Variants in EIF5B observed in about 807,000 individuals in gnomAD.
The protein encoded by EIF5B is eukaryotic translation initiation factor 5B.
Under a neutral mutation model 147.5 loss-of-function variants are expected in EIF5B, and 47 were observed. The observed-to-expected ratio is 0.32, with a 90% CI of 0.25 to 0.41. The LOEUF (loss-of-function observed/expected upper bound fraction) is 0.41, where lower values mean the gene tolerates loss of function less well. Ranked by LOEUF, EIF5B falls within the 10% of genes least tolerant of loss-of-function variation. EIF5B has a pLI of 1.00. For missense variants in EIF5B, 1,064 were observed against 1,413.2 expected (o/e 0.75, Z 3.96); for synonymous variants, 455 against 456.2 (o/e 1.00, Z 0.03).
chr2:99,344,404 T>TTTGTTG (rs149285717), intron 1 of EIF5B, among the ~76,000 whole-genome samples: 29,090 of 149,396 alleles, frequency 0.19, 3,582 homozygotes, highest in Admixed American at 0.29. Context: ...GCCACCACAG[T>TTTGTTG]TTGTTGTTGT....
rs1674906047 is a variant in EIF5B, at chr2:99,390,634, G to A, written c.2677G>A (p.Val893Ile). 6.2e-7 allele frequency: 1 copy of A among 1,612,976 alleles called. No individual in the cohort carries two copies. Among genetic ancestry groups the A allele is most frequent in the Non-Finnish European group, 8.5e-7 (1 of 1,179,056 alleles). ...AGGAGATACAATCATTGTTCCTGGA[G>A]TAGAAGGGCCCATTGTAACTCAGAT... is the stretch of plus-strand genomic sequence containing the variant. ...KEGDTIIVPG[V>I]EGPIVTQIRG... Residue 893 changes from valine to isoleucine, a missense_variant, in exon 17 of 24, where the codon GTA (valine) becomes ATA (isoleucine). By Grantham distance (29) the Val-to-Ile change is conservative. Coordinates refer to ENST00000289371, the MANE Select transcript of EIF5B (RefSeq NM_015904.4).
chr2:99,341,374 A>G (rs1043857287), intron 1 of EIF5B, among the ~76,000 whole-genome samples: 3 of 152,198 alleles, frequency 2.0e-5, no homozygotes, highest in African/African-American at 7.2e-5. Context: ...CTAGTTTGCT[A>G]TAAATTAATA....
chr2:99,376,033 A>T (rs1674558804), intron 9 of EIF5B, among the ~76,000 whole-genome samples: 1 of 152,218 alleles, frequency 6.6e-6, no homozygotes, highest in African/African-American at 2.4e-5. Context: ...TCCTCCCCTT[A>T]CTTTAAAGCA....
intron 5 of EIF5B, 23 bp downstream of exon 5, chr2:99,363,885 AC>A (rs1674272532): frequency 6.3e-7 from 1 of 1,588,080 alleles, no homozygotes; most frequent in African/African-American, 1.4e-5. Context: ...GAAGTTGGTA[AC>A]ATTGATATTG....
At chr2:99,346,350 A>G (rs2094273351) in intron 1 of EIF5B, among the ~76,000 whole-genome samples, 1 of 152,138 alleles carries the variant, frequency 6.6e-6, no homozygotes, top group Admixed American at 6.5e-5. Flanking sequence ...GGTTATTCAG[A>G]AATCTGGTCT....
chr2:99,369,432 G>A lies in EIF5B; in HGVS notation c.1428G>A (p.Met476Ile). The change falls in exon 8 of 24, where the codon ATG becomes ATA. Residue 476 changes from methionine to isoleucine, a missense_variant. By Grantham distance (10) the Met-to-Ile change is conservative. This residue lies in a region of EIF5B where 195 missense variants were observed against 186.3 expected (regional missense o/e 1.05). Transcript: ENST00000289371. ...SMELCAAVEV[M>I]EQGVPEKEET... The stretch of plus-strand genomic sequence containing the variant: ...AATTATGTGCTGCTGTAGAAGTTAT[G>A]GAACAAGGAGTACCAGAAAAGGAAG... The A allele has an allele frequency of 2.5e-6, 4 of 1,611,284 alleles. No individual in the cohort carries two copies. The highest frequency in any genetic ancestry group is 3.4e-6 in the Non-Finnish European group (4 of 1,178,104).
chr2:99,347,509 T>TG (rs2105336788), intron 1 of EIF5B, among the ~76,000 whole-genome samples: 1 of 152,134 alleles, frequency 6.6e-6, no homozygotes, highest in Non-Finnish European at 1.5e-5. Flanking sequence ...TTTTCAGTTT[T>TG]TTTTTTTTTT....
At chr2:99,378,534 G>A (rs1277232492) in intron 10 of EIF5B, among the ~76,000 whole-genome samples, 1 of 152,128 alleles carries the variant, frequency 6.6e-6, no homozygotes, top group Non-Finnish European at 1.5e-5. Flanking sequence ...AGGTTTTATA[G>A]CATTTGTATA....
intron 1 of EIF5B, among the ~76,000 whole-genome samples, chr2:99,354,701 C>T (rs1401902892): frequency 2.0e-5 from 3 of 150,822 alleles, no homozygotes; most frequent in Non-Finnish European, 4.4e-5. Context: ...GGGTGAGGTT[C>T]ATTTTTGTGT....
intron 1 of EIF5B, among the ~76,000 whole-genome samples, chr2:99,353,360 T>C (rs1306235946): frequency 2.6e-5 from 4 of 151,918 alleles, no homozygotes; most frequent in Admixed American, 2.0e-4. Context: ...GGTTTCGCCA[T>C]GTTGCCCAGT....
intron 6 of EIF5B, among the ~76,000 whole-genome samples, chr2:99,365,952 T>C (rs1464755896): frequency 1.3e-5 from 2 of 152,130 alleles, no homozygotes; most frequent in Non-Finnish European, 2.9e-5. Context: ...ACCTAGAATA[T>C]TGTAAAACTT....
At position 99,353,005 on chromosome 2, in the gene EIF5B, C is replaced by CTTTTTTTTTTTTTTTTTTTTTTTTT. The variant is rs529053292; in HGVS notation, c.36-7228_36-7204dup. 1.4e-4 allele frequency among the ~76,000 whole-genome samples: 9 copies of CTTTTTTTTTTTTTTTTTTTTTTTTT among 62,852 alleles called. 2 individuals carry two copies. The highest frequency in any genetic ancestry group is 1.4e-4 in the Non-Finnish European group (5 of 36,472). 41.2% of individuals were successfully genotyped at this position (62,852 alleles called of 152,430 possible). A position where few individuals can be genotyped will look rare whatever the true frequency, so the allele number is the denominator to read the frequency against. On this transcript the variant is annotated intron_variant, in intron 1 of 23. Transcript: ENST00000289371. ...GCCTGGCTAATTTTTTCTTCTTCTT[C>CTTTTTTTTTTTTTTTTTTTTTTTTT]TTTTTTTTTTTTTTTTTTTTTTTTT...
intron 1 of EIF5B, among the ~76,000 whole-genome samples, chr2:99,341,419 C>T (rs997044920): frequency 6.6e-6 from 1 of 152,186 alleles, no homozygotes; most frequent in African/African-American, 2.4e-5. Flanking sequence ...TGATAGTAAC[C>T]TCTCTAGCCT....
At chr2:99,374,247 C>T (rs1245974244) in intron 9 of EIF5B, among the ~76,000 whole-genome samples, 1 of 148,456 alleles carries the variant, frequency 6.7e-6, no homozygotes, top group Non-Finnish European at 1.5e-5. Context: ...TGAGATTGCG[C>T]CACTGCATTC....
intron 5 of EIF5B, 75 bp downstream of exon 5, chr2:99,363,937 C>T (rs1459095182): frequency 7.0e-7 from 1 of 1,435,510 alleles, no homozygotes; most frequent in African/African-American, 1.4e-5. Flanking sequence ...TATCTTTACT[C>T]TTCTAATTCT....
At position 99,361,469 on chromosome 2, in the gene EIF5B, T is replaced by A. The variant is rs776796251; in HGVS notation, c.568T>A (p.Ser190Thr). Residue 190 changes from serine to threonine, a missense_variant, in exon 4 of 24, where the codon TCA becomes ACA. By Grantham distance (58) the Ser-to-Thr change is moderately conservative. This residue lies in a region of EIF5B where 458 missense variants were observed against 451.3 expected (regional missense o/e 1.01). Transcript: ENST00000289371. Reference protein sequence around the residue: ...INSSGESGDESDEFLQSRKGQ... With the variant: ...INSSGESGDETDEFLQSRKGQ... The stretch of plus-strand genomic sequence containing the variant: ...TTCTTCTGGTGAAAGTGGTGATGAA[T>A]CAGATGAATTTTTGCAATCTAGAAA... 1.2e-6 allele frequency: 2 copies of A among 1,613,544 alleles called. No homozygotes were observed. Among genetic ancestry groups the A allele is most frequent in the South Asian group, 2.2e-5 (2 of 91,046 alleles).
At chr2:99,356,293 CTCTT>C (rs2105342027) in intron 1 of EIF5B, among the ~76,000 whole-genome samples, 1 of 152,082 alleles carries the variant, frequency 6.6e-6, no homozygotes, top group East Asian at 1.9e-4. Flanking sequence ...TCTTTTCTTC[CTCTT>C]TCTATATTGT....
At chr2:99,352,150 T>C (rs1183079991) in intron 1 of EIF5B, among the ~76,000 whole-genome samples, 1 of 152,240 alleles carries the variant, frequency 6.6e-6, no homozygotes, top group Non-Finnish European at 1.5e-5. Context: ...CTTTATGAGA[T>C]ATATGTATTG....
intron 17 of EIF5B, 51 bp from the exon 18 acceptor site, chr2:99,392,916 T>G (rs773003252): frequency 7.4e-7 from 1 of 1,353,852 alleles, no homozygotes; most frequent in Non-Finnish European, 9.6e-7. Flanking sequence ...CATCTTCTAC[T>G]GCTAACCACT....
Sources: gnomAD v4.1 joint callset for allele counts (sites outside exome capture counted in the v4.1 genomes callset) on GRCh38, gnomAD v4.1.1 for gene constraint, gnomAD v4.1.1 regional missense constraint, MANE v1.5 for transcripts, NCBI Gene and HGNC (gene_info 2026-07-23, HGNC 2026-07-21) for gene names.